Variants in KIF14 observed in about 807,000 individuals in gnomAD.
KIF14 encodes the protein kinesin family member 14.
In KIF14, 98 loss-of-function variants were observed where a neutral mutation model predicts 176.2. The ratio of observed to expected loss-of-function variants is 0.56; its 90% confidence interval spans 0.47 to 0.66. The LOEUF (loss-of-function observed/expected upper bound fraction) is 0.66. Among genes scored for constraint, KIF14 ranks in the 30% least tolerant of loss-of-function variants. The pLI, the probability that KIF14 is intolerant of heterozygous loss-of-function variation, is 0.00. For missense variants in KIF14, 1,751 were observed against 1,920.4 expected, an observed-to-expected ratio of 0.91 and a Z score of 1.65; for synonymous variants, 566 against 632.2, an observed-to-expected ratio of 0.90 and a Z score of 1.57.
At chr1:200,585,648 C>T (rs1389782674) in intron 19 of KIF14, among the ~76,000 whole-genome samples, 1 of 152,114 alleles carries the variant, frequency 6.6e-6, no homozygotes, top group Non-Finnish European at 1.5e-5. Context: ...GATCAGGGTT[C>T]CAGCGTCGGT....
intron 25 of KIF14, among the ~76,000 whole-genome samples, chr1:200,561,194 C>T (rs541397570): frequency 6.7e-6 from 1 of 148,202 alleles, no homozygotes; most frequent in East Asian, 2.0e-4. Flanking sequence ...CGTGCTACTG[C>T]ACTCCAGCCG....
intron 22 of KIF14, among the ~76,000 whole-genome samples, chr1:200,573,234 T>C (rs146217179): frequency 0.013 from 1,953 of 152,174 alleles, 28 homozygotes; most frequent in Middle Eastern, 0.027. Context: ...TAAATCCCTG[T>C]AAAGTAGGTA....
chr1:200,609,494 C>CAAAAATACAAAATACAAAATACA, intron 4 of KIF14, among the ~76,000 whole-genome samples: 2 of 152,148 alleles, frequency 1.3e-5, no homozygotes, highest in Middle Eastern at 3.4e-3. Context: ...ACTAAAAATA[C>CAAAAATACAAAATACAAAATACA]AAAAATTAGC....
chr1:200,601,061 T>G (rs1659600786), intron 11 of KIF14, among the ~76,000 whole-genome samples: 1 of 152,160 alleles, frequency 6.6e-6, no homozygotes, highest in Non-Finnish European at 1.5e-5. Flanking sequence ...TTTTGTATTT[T>G]TAGTAGAGAC....
chr1:200,588,077 A>C (rs952784545), intron 18 of KIF14, among the ~76,000 whole-genome samples: 10 of 152,106 alleles, frequency 6.6e-5, no homozygotes, highest in Admixed American at 6.6e-4. Flanking sequence ...GAGAGAGTAA[A>C]ACCTTAAGAT....
chr1:200,606,687 T>A lies in KIF14; in HGVS notation c.1607+59A>T, dbSNP rs1281790921. ...GAATACAATAAAGATTATGGGAGAG[T>A]AACATTCACTCTATTCATTTGTTTT... On this transcript the variant is annotated intron_variant, in intron 6 of 29. Coordinates refer to ENST00000367350, the MANE Select transcript of KIF14 (RefSeq NM_014875.3). The A allele has an allele frequency of 1.7e-5, 24 of 1,397,658 alleles. No individual in the cohort carries two copies. In the East Asian group the frequency reaches 5.5e-4, roughly 32 times the overall value. The allele number at this position is 1,397,658 out of a possible 1,614,324, so 86.6% of individuals were successfully genotyped here.
At chr1:200,567,902 A>C (rs1156452240) in intron 23 of KIF14, among the ~76,000 whole-genome samples, 1 of 152,084 alleles carries the variant, frequency 6.6e-6, no homozygotes, top group African/African-American at 2.4e-5. Context: ...ATGACTCAAT[A>C]TCATTATGAT....
intron 5 of KIF14, among the ~76,000 whole-genome samples, chr1:200,607,618 T>C (rs931864238): frequency 2.0e-5 from 3 of 152,238 alleles, no homozygotes; most frequent in Non-Finnish European, 2.9e-5. Context: ...ATAGAAATCA[T>C]AGAAGCAAAT....
At position 200,580,308 on chromosome 1, in the gene KIF14, G is replaced by C. The variant is rs1190521293; in HGVS notation, c.3411C>G (p.Phe1137Leu). 1 of 1,526,418 alleles carries C rather than the reference G, an allele frequency of 6.6e-7. No individual in the cohort carries two copies. Among genetic ancestry groups the C allele is most frequent in the East Asian group, 2.4e-5 (1 of 41,356 alleles). 94.6% of individuals were successfully genotyped at this position (1,526,418 alleles called of 1,614,324 possible). A position where few individuals can be genotyped will look rare whatever the true frequency, so the allele number is the denominator to read the frequency against. The change falls in exon 21 of 30, where the codon TTC (phenylalanine) becomes TTG (leucine). Residue 1137 changes from phenylalanine to leucine, a missense_variant. Phe to Leu is a conservative substitution (Grantham distance 22). Coordinates refer to ENST00000367350, the MANE Select transcript of KIF14 (RefSeq NM_014875.3). ...TAGATTCAAACTTTTCCAGACTCCA[G>C]AATGTTGAGATTCCTAGTTTCAGGT... is the stretch of plus-strand genomic sequence containing the variant. ...VRNLKLGIST[F>L]WSLEKFESKL... is the part of the protein sequence containing the mutation.
intron 18 of KIF14, among the ~76,000 whole-genome samples, chr1:200,587,766 G>A (rs896293493): frequency 3.9e-5 from 6 of 152,114 alleles, no homozygotes; most frequent in Admixed American, 6.6e-5. Flanking sequence ...CCCAGATCAC[G>A]CCACTGCACT....
chr1:200,605,502 CAA>C, intron 7 of KIF14, 112 bp from the exon 8 acceptor site: 1 of 620,824 alleles, frequency 1.6e-6, no homozygotes, highest in Admixed American at 3.4e-5. Flanking sequence ...GACTGTAACT[CAA>C]TGATATAAAA....
chr1:200,559,578 C>G, intron 26 of KIF14, 126 bp from the exon 27 acceptor site: 1 of 444,520 alleles, frequency 2.2e-6, no homozygotes, highest in Non-Finnish European at 3.7e-6. Flanking sequence ...TACTTTAGGA[C>G]TATAATACAT....
intron 14 of KIF14, among the ~76,000 whole-genome samples, chr1:200,595,188 G>A (rs1299338387): frequency 6.6e-6 from 1 of 152,172 alleles, no homozygotes; most frequent in Non-Finnish European, 1.5e-5. Context: ...CCAATTTAGA[G>A]TCCTCTAAGA....
Position 200,557,634 on chromosome 1 carries a change from T to C in KIF14, c.4353+1696A>G, listed in dbSNP as rs1656906128. ...GCAGAGAGAAATCTGTATAACCCTGTAGTATGAGCAAAGGGATGGAGAATC... is the reference window on the plus strand; with the variant it reads ...GCAGAGAGAAATCTGTATAACCCTGCAGTATGAGCAAAGGGATGGAGAATC... On this transcript the variant is annotated intron_variant, in intron 27 of 29. Coordinates refer to ENST00000367350, the MANE Select transcript of KIF14 (RefSeq NM_014875.3). Among the ~76,000 whole-genome samples the C allele has an allele frequency of 2.0e-5, 3 of 152,118 alleles. No homozygotes were observed. The South Asian group carries it at 6.2e-4, about 32-fold the overall frequency.
At chr1:200,582,475 T>C (rs1658515056) in intron 19 of KIF14, among the ~76,000 whole-genome samples, 1 of 152,168 alleles carries the variant, frequency 6.6e-6, no homozygotes, top group Non-Finnish European at 1.5e-5. Context: ...CTCATTCACA[T>C]GAATTAAAAA....
intron 1 of KIF14, among the ~76,000 whole-genome samples, chr1:200,619,113 G>T (rs2102795526): frequency 6.6e-6 from 1 of 152,288 alleles, no homozygotes; most frequent in East Asian, 1.9e-4. Context: ...CATTTCTTTA[G>T]TCTAGAAGAA....
chr1:200,616,444 T>C (rs567429527), intron 2 of KIF14, among the ~76,000 whole-genome samples: 1 of 152,346 alleles, frequency 6.6e-6, no homozygotes, highest in Non-Finnish European at 1.5e-5. Flanking sequence ...CTTCCTATCA[T>C]GGTTCTTGAG....
chr1:200,602,862 T>C (rs147801094), intron 10 of KIF14, among the ~76,000 whole-genome samples: 26 of 152,338 alleles, frequency 1.7e-4, no homozygotes, highest in African/African-American at 6.3e-4. Flanking sequence ...GGTAGTACCA[T>C]ATATGTTCAA....
chr1:200,607,937 G>A (rs935101837), intron 5 of KIF14, among the ~76,000 whole-genome samples: 1 of 152,162 alleles, frequency 6.6e-6, no homozygotes, highest in Non-Finnish European at 1.5e-5. Flanking sequence ...TTGACCTAGT[G>A]ATCCACCTGC....
Sources: gnomAD v4.1 joint callset for allele counts (sites outside exome capture counted in the v4.1 genomes callset) on GRCh38, gnomAD v4.1.1 for gene constraint, MANE v1.5 for transcripts, NCBI Gene and HGNC (gene_info 2026-07-23, HGNC 2026-07-21) for gene names.